Variants in CNTNAP3B observed in about 807,000 individuals in gnomAD.
CNTNAP3B encodes contactin associated protein family member 3B, also known as contactin-associated protein-like 3B.
Under a neutral mutation model 108.9 loss-of-function variants are expected in CNTNAP3B, and 25 were observed. That is an observed-to-expected ratio of 0.23 (90% CI 0.17 to 0.32). The LOEUF (loss-of-function observed/expected upper bound fraction) is 0.32, where lower values mean the gene tolerates loss of function less well. Among genes scored for constraint, CNTNAP3B ranks in the 10% least tolerant of loss-of-function variants. CNTNAP3B has a pLI of 1.00. For synonymous variants in CNTNAP3B, 103 were observed against 473.4 expected (o/e 0.22, Z 10.16); for missense variants, 252 against 1,210.4 (o/e 0.21, Z 11.75).
chr9:42,078,870 C>T (rs1277702373), intron 2 of CNTNAP3B, among the ~76,000 whole-genome samples: 2 of 151,382 alleles, frequency 1.3e-5, no homozygotes, highest in Non-Finnish European at 2.9e-5. Flanking sequence ...TCCAACTTAA[C>T]TTTTCAGGAT....
intron 2 of CNTNAP3B, among the ~76,000 whole-genome samples, chr9:42,098,008 A>T (rs940050187): frequency 2.2e-5 from 3 of 138,194 alleles, no homozygotes; most frequent in Non-Finnish European, 4.6e-5. Context: ...GTTTCAACAG[A>T]CAATACACAG....
chr9:41,945,951 CA>C (rs1252574861), intron 13 of CNTNAP3B, among the ~76,000 whole-genome samples: 1 of 152,242 alleles, frequency 6.6e-6, no homozygotes, highest in Non-Finnish European at 1.5e-5. Context: ...TAATTTTAGA[CA>C]AAGCCAACTG....
rs1259404735 is a variant in CNTNAP3B at position 42,025,054 on chromosome 9, TC to T, written c.391-11530del. Among the ~76,000 whole-genome samples the T allele has an allele frequency of 1.4e-5, 2 of 143,658 alleles. 1 individual carries two copies. Among genetic ancestry groups the T allele is most frequent in the African/African-American group, 5.3e-5 (2 of 37,678 alleles). The allele number at this position is 143,658 out of a possible 152,430, so 94.2% of individuals were successfully genotyped here. ...AGCTAACACTGCAGTCTTAAGTTCT[TC>T]CCCACATTTTCCCAAAATGGATTGC... On this transcript the variant is annotated intron_variant, in intron 3 of 23. Transcript: ENST00000377561.
intron 11 of CNTNAP3B, among the ~76,000 whole-genome samples, chr9:41,962,933 C>A (rs1202178908): frequency 5.3e-5 from 8 of 151,366 alleles, no homozygotes; most frequent in African/African-American, 1.7e-4. Flanking sequence ...CCAGCCTGGG[C>A]GACAGAGCAA....
chr9:41,931,565 G>C (rs1375877903), intron 14 of CNTNAP3B, among the ~76,000 whole-genome samples: 1 of 151,750 alleles, frequency 6.6e-6, no homozygotes, highest in East Asian at 1.9e-4. Flanking sequence ...GGTAAAGAAA[G>C]CTTATTTCTA....
At chr9:41,960,567 C>A (rs1273320139) in intron 12 of CNTNAP3B, among the ~76,000 whole-genome samples, 4 of 152,278 alleles carry the variant, frequency 2.6e-5, no homozygotes, top group Non-Finnish European at 4.4e-5. Context: ...GATGCCTTGG[C>A]AGAGCATTGA....
At chr9:42,049,189 G>A (rs1478203071) in intron 3 of CNTNAP3B, among the ~76,000 whole-genome samples, 1 of 129,134 alleles carries the variant, frequency 7.7e-6, no homozygotes, top group African/African-American at 3.2e-5. Context: ...CATTCCCATG[G>A]CCAACCTCAT....
At chr9:41,935,560 A>G (rs1824132275) in intron 14 of CNTNAP3B, among the ~76,000 whole-genome samples, 1 of 152,292 alleles carries the variant, frequency 6.6e-6, no homozygotes, top group African/African-American at 2.4e-5. Context: ...CCATTTTTAT[A>G]AACTGAAAAA....
chr9:41,956,077 TAAA>T (rs1292581317), intron 12 of CNTNAP3B, among the ~76,000 whole-genome samples: 3 of 151,976 alleles, frequency 2.0e-5, no homozygotes, highest in Non-Finnish European at 2.9e-5. Context: ...GTACTGAGAG[TAAA>T]AAAAAAAATA....
At chr9:42,066,793 T>C (rs1462025967) in intron 3 of CNTNAP3B, among the ~76,000 whole-genome samples, 1 of 138,730 alleles carries the variant, frequency 7.2e-6, no homozygotes, top group Non-Finnish European at 1.5e-5. Flanking sequence ...TTTATGCCTC[T>C]TGTTTAGTCT....
intron 9 of CNTNAP3B, among the ~76,000 whole-genome samples, chr9:41,973,105 T>A (rs1433663918): frequency 2.7e-4 from 11 of 40,024 alleles, no homozygotes; most frequent in South Asian, 9.8e-4. Context: ...GCCCTGCTAA[T>A]TTTTTTTTTT....
At chr9:41,934,202 T>TAC (rs1193693590) in intron 14 of CNTNAP3B, among the ~76,000 whole-genome samples, 34 of 115,310 alleles carry the variant, frequency 2.9e-4, no homozygotes, top group Admixed American at 8.4e-4. Flanking sequence ...TATATATACA[T>TAC]ACACACACAC....
chr9:42,014,811 A>C (rs1310219159), intron 3 of CNTNAP3B, among the ~76,000 whole-genome samples: 1 of 74,906 alleles, frequency 1.3e-5, no homozygotes, highest in Non-Finnish European at 2.5e-5. Context: ...AAAAAAAAAG[A>C]ATGTACCAGG....
At position 41,946,528 on chromosome 9, in the gene CNTNAP3B, A is replaced by T. The variant is rs111419065; in HGVS notation, c.2080+6655T>A. ...AAAACATGGTGAAAGAGAAAGTCTC[A>T]AGAGAAACAAAATTTTTTAACTAAG... is the stretch of plus-strand genomic sequence containing the variant. On this transcript the variant is annotated intron_variant, in intron 13 of 23. Transcript: ENST00000377561. Among the ~76,000 whole-genome samples the T allele has an allele frequency of 3.0e-4, 10 of 33,432 alleles. 4 individuals are homozygous for T. The highest frequency in any genetic ancestry group is 1.1e-3 in the African/African-American group (10 of 9,350). The allele number at this position is 33,432 out of a possible 152,430, so 21.9% of individuals were successfully genotyped here. A position where few individuals can be genotyped will look rare whatever the true frequency, so the allele number is the denominator to read the frequency against.
chr9:41,943,883 T>G (rs1327152135), intron 13 of CNTNAP3B, among the ~76,000 whole-genome samples: 16 of 152,272 alleles, frequency 1.1e-4, no homozygotes, highest in African/African-American at 3.9e-4. Flanking sequence ...TGCAAAAAAT[T>G]GAAGACTTTC....
intron 13 of CNTNAP3B, among the ~76,000 whole-genome samples, chr9:41,947,838 A>G (rs1824569564): frequency 6.6e-6 from 1 of 152,270 alleles, no homozygotes; most frequent in African/African-American, 2.4e-5. Context: ...TTAAGTGGAT[A>G]TCACTACAGA....
At chr9:41,955,495 G>GATCT (rs1227906271) in intron 12 of CNTNAP3B, among the ~76,000 whole-genome samples, 2 of 152,294 alleles carry the variant, frequency 1.3e-5, no homozygotes, top group East Asian at 3.8e-4. Flanking sequence ...AACTGGAAAG[G>GATCT]ATCTTAAAGA....
rs1823737590 is a variant in CNTNAP3B at position 41,923,929 on chromosome 9, G to A, written c.2530C>T (p.Leu844=). The A allele has an allele frequency of 1.2e-6, 2 of 1,612,130 alleles. No individual in the cohort carries two copies. Among genetic ancestry groups the A allele is most frequent in the South Asian group, 1.1e-5 (1 of 90,994 alleles). The change falls in exon 16 of 24, where the codon CTG becomes TTG. Residue 844 remains leucine, a synonymous_variant. Transcript: ENST00000377561. ...LGITDFIRIE[L]RAPTEVTFSF... is the part of the protein sequence containing the mutation. ...TCCAGAGTGGCCAGCCTACCCCGCA[G>A]CTCAATCCTGATGAAGTCTGTGATC...
At chr9:41,926,059 C>G (rs1244356175) in intron 15 of CNTNAP3B, among the ~76,000 whole-genome samples, 1 of 152,292 alleles carries the variant, frequency 6.6e-6, no homozygotes, top group Non-Finnish European at 1.5e-5. Context: ...CGCAGTCTCT[C>G]TCTTCTATGT....
Sources: gnomAD v4.1 joint callset for allele counts (sites outside exome capture counted in the v4.1 genomes callset) on GRCh38, gnomAD v4.1.1 for gene constraint, MANE v1.5 for transcripts, NCBI Gene and HGNC (gene_info 2026-07-23, HGNC 2026-07-21) for gene names.